The following CFAP43 variants were observed in gnomAD, a reference collection of about 807,000 sequenced individuals.
CFAP43 encodes cilia and flagella associated protein 43.
A neutral mutation model predicts 218.9 loss-of-function variants in CFAP43; 155 were observed. That is an observed-to-expected ratio of 0.71 (90% CI 0.62 to 0.81). CFAP43 has a LOEUF of 0.81. CFAP43 is among the 30% of genes least tolerant of loss of function. The pLI is 0.00. For missense variants in CFAP43, 1,778 were observed against 1,954.3 expected (o/e 0.91, Z 1.70); for synonymous variants, 645 against 681.3 (o/e 0.95, Z 0.83).
chr10:104,192,054 G>T, intron 12 of CFAP43, 145 bp downstream of exon 12: 3 of 614,140 alleles, frequency 4.9e-6, no homozygotes, highest in African/African-American at 1.9e-5. Context: ...ATTCTCCTAA[G>T]TAACTTTAGT....
At chr10:104,145,369 C>T (rs1305579470) in intron 31 of CFAP43, 107 bp downstream of exon 31, 23 of 643,788 alleles carry the variant, frequency 3.6e-5, no homozygotes, top group Non-Finnish European at 6.1e-5. Context: ...AAAGATATTA[C>T]ACTGAATAAT....
chr10:104,230,722 A>T lies in CFAP43; in HGVS notation c.187T>A (p.Cys63Ser), dbSNP rs758577060. 6.2e-6 allele frequency: 10 copies of T among 1,613,954 alleles called. No individual in the cohort carries two copies. The South Asian group carries it at 1.1e-4, about 18-fold the overall frequency. ...ATGACGCCCACAATTCCATTACTACACTGCAGTACAGTCTTTTTCTTGGTT... is the reference window on the plus strand; with the variant it reads ...ATGACGCCCACAATTCCATTACTACTCTGCAGTACAGTCTTTTTCTTGGTT... ...IETKKKTVLQ[C>S]SNGIVGVMAT... Residue 63 changes from cysteine (C) to serine (S), a missense_variant, in exon 2 of 38, where the codon TGT (cysteine) becomes AGT (serine). Physicochemically the swap from Cys to Ser is moderately radical, Grantham distance 112. Around this residue, in one of 3 missense-constraint regions of CFAP43, gnomAD observed 1,553 missense variants for 1,685.2 expected, o/e 0.92. Coordinates refer to ENST00000357060, the MANE Select transcript of CFAP43 (RefSeq NM_025145.7).
chr10:104,195,080 G>A (rs373341936), intron 10 of CFAP43, among the ~76,000 whole-genome samples: 1 of 152,220 alleles, frequency 6.6e-6, no homozygotes, highest in East Asian at 1.9e-4. Context: ...AAGGGCCAGA[G>A]GAGTCTTATG....
chr10:104,167,627 A>G lies in CFAP43; in HGVS notation c.2802T>C (p.Cys934=), dbSNP rs373911488. 1.9e-5 allele frequency: 31 copies of G among 1,605,944 alleles called. No individual in the cohort carries two copies. The African/African-American group carries it at 3.6e-4, about 19-fold the overall frequency. The change falls in exon 22 of 38, where the codon TGT becomes TGC. Residue 934 remains cysteine, a synonymous_variant. Coordinates refer to ENST00000357060, the MANE Select transcript of CFAP43 (RefSeq NM_025145.7). ...VLQQKKIEAE[C]LKLRKEIVEA... is the part of the protein sequence containing the mutation. ...TGTATATTTAAAATAGTACTTTAAG[A>G]CACTCTGCTTCAATCTTCTTTTGCT...
intron 31 of CFAP43, 102 bp from the exon 32 acceptor site, chr10:104,143,741 C>T (rs1162308418): frequency 2.6e-5 from 29 of 1,112,172 alleles, no homozygotes; most frequent in Non-Finnish European, 3.5e-5. Flanking sequence ...TTGTATGGCT[C>T]TTCCCTTTGC....
intron 3 of CFAP43, among the ~76,000 whole-genome samples, chr10:104,216,116 A>T (rs2091004724): frequency 6.6e-6 from 1 of 152,084 alleles, no homozygotes; most frequent in Non-Finnish European, 1.5e-5. Flanking sequence ...TTTTTGAGCA[A>T]GTTGTTCTAA....
At chr10:104,194,075 T>C in intron 10 of CFAP43, 61 bp from the exon 11 acceptor site, 1 of 1,586,794 alleles carries the variant, frequency 6.3e-7, no homozygotes, top group Non-Finnish European at 8.6e-7. Context: ...CACGTAAGAA[T>C]GCTATTATAC....
At chr10:104,230,300 A>G (rs2091415698) in intron 2 of CFAP43, among the ~76,000 whole-genome samples, 1 of 151,940 alleles carries the variant, frequency 6.6e-6, no homozygotes, top group Non-Finnish European at 1.5e-5. Context: ...CCCCATCTCT[A>G]CTAAAAATAC....
intron 11 of CFAP43, chr10:104,193,365 C>T (rs1185842035): frequency 6.6e-6 from 1 of 152,518 alleles, no homozygotes; most frequent in African/African-American, 2.4e-5. Flanking sequence ...TAGTTTTCTC[C>T]TTTTAAGAGC....
chr10:104,182,432 C>T lies in CFAP43; in HGVS notation c.2223G>A (p.Lys741=). The T allele has an allele frequency of 6.2e-7, 1 of 1,612,698 alleles. No homozygotes were observed. The part of the protein sequence containing the change: ...LLISLSSAMD[K]ENHYLSTTPK... ...GTGTTGTGCTTAAATAATGATTCTC[C>T]TTGTCCATGGCGCTGCTCAGGGAAA... Residue 741 remains lysine, a synonymous_variant, in exon 17 of 38, where the codon AAG becomes AAA. Coordinates refer to ENST00000357060, the MANE Select transcript of CFAP43 (RefSeq NM_025145.7).
chr10:104,161,884 A>G (rs1033078532), intron 26 of CFAP43, 77 bp downstream of exon 26: 118 of 1,387,580 alleles, frequency 8.5e-5, no homozygotes, highest in Admixed American at 5.7e-5. Flanking sequence ...CCAGGTTTAT[A>G]TAGGACAAAA....
intron 8 of CFAP43, among the ~76,000 whole-genome samples, chr10:104,202,294 C>T (rs934554889): frequency 2.6e-5 from 4 of 152,076 alleles, no homozygotes; most frequent in Admixed American, 6.6e-5. Context: ...GTCTTTTCTC[C>T]GACTGCTTTT....
At position 104,179,917 on chromosome 10, in the gene CFAP43, T is replaced by G. The variant is rs760154879; in HGVS notation, c.2305A>C (p.Thr769Pro). 1.9e-6 allele frequency: 3 copies of G among 1,613,612 alleles called. No homozygotes were observed. Among genetic ancestry groups the G allele is most frequent in the South Asian group, 2.2e-5 (2 of 90,860 alleles). ...ACTAATTCATCTTGTGATAAGTCAG[T>G]GCTTGCCTTCTGTTTCTGATACATG... ...DSEHTKQKAS[T>P]DLSQDELVLT... The change falls in exon 18 of 38, where the codon ACT (threonine) becomes CCT (proline). Residue 769 changes from threonine to proline, a missense_variant. Physicochemically the swap from Thr to Pro is conservative, Grantham distance 38 (BLOSUM62 -1). Around this residue, in one of 3 missense-constraint regions of CFAP43, gnomAD observed 1,553 missense variants for 1,685.2 expected, o/e 0.92. Coordinates refer to ENST00000357060, the MANE Select transcript of CFAP43 (RefSeq NM_025145.7).
intron 24 of CFAP43, among the ~76,000 whole-genome samples, chr10:104,163,536 C>A (rs1055315525): frequency 6.6e-6 from 1 of 152,096 alleles, no homozygotes; most frequent in African/African-American, 2.4e-5. Flanking sequence ...TGCCTCTGTG[C>A]CAAAACCTTT....
At position 104,187,425 on chromosome 10, in the gene CFAP43, C is replaced by T. The variant is rs1244356403; in HGVS notation, c.1755G>A (p.Glu585=). The T allele has an allele frequency of 1.2e-6, 2 of 1,609,036 alleles. No individual in the cohort carries two copies. Among genetic ancestry groups the T allele is most frequent in the Non-Finnish European group, 1.7e-6 (2 of 1,178,260 alleles). Residue 585 remains glutamate (E), a synonymous_variant, in exon 14 of 38, where the codon GAG becomes GAA. Coordinates refer to ENST00000357060, the MANE Select transcript of CFAP43 (RefSeq NM_025145.7). ...KDEIIHKYLY[E]LEHALSSAVL... ...CTGCAGAGGACAGAGCGTGCTCCAA[C>T]TCATACAGGTACTTATGAATGATTT...
rs2087673300 is a variant in CFAP43 at position 104,140,835 on chromosome 10, T to C, written c.4431+7A>G. On this transcript the variant is annotated splice_region_variant and intron_variant, in intron 34 of 37. Transcript: ENST00000357060. Reference sequence around the variant, plus strand: ...TGAATTAAAATAAAAATAAAAAGTATAATTACCCGAATCACAGAATTCAAG... The same window carrying C: ...TGAATTAAAATAAAAATAAAAAGTACAATTACCCGAATCACAGAATTCAAG... 6.3e-7 allele frequency: 1 copy of C among 1,585,244 alleles called. No individual in the cohort carries two copies. The highest frequency in any genetic ancestry group is 1.4e-5 in the African/African-American group (1 of 72,984).
At chr10:104,211,059 C>T (rs1051995151) in intron 5 of CFAP43, among the ~76,000 whole-genome samples, 1 of 151,880 alleles carries the variant, frequency 6.6e-6, no homozygotes, top group Non-Finnish European at 1.5e-5. Context: ...CCAAAGGAAA[C>T]ACTCTTTATC....
At chr10:104,150,811 T>A (rs899516876) in intron 28 of CFAP43, among the ~76,000 whole-genome samples, 14 of 152,168 alleles carry the variant, frequency 9.2e-5, no homozygotes, top group African/African-American at 2.9e-4. Context: ...CATGGGGGTT[T>A]GTTGTACAGA....
intron 9 of CFAP43, 49 bp from the exon 10 acceptor site, chr10:104,196,982 T>A: frequency 6.8e-7 from 1 of 1,464,086 alleles, no homozygotes; most frequent in Middle Eastern, 1.8e-4. Context: ...AAGACTTTCC[T>A]ATGGAAGCAT....
Sources: allele counts gnomAD v4.1 joint callset (sites outside exome capture counted in the v4.1 genomes callset), GRCh38; gene constraint gnomAD v4.1.1; regional missense constraint gnomAD v4.1.1; transcripts MANE v1.5; gene names NCBI Gene and HGNC (gene_info 2026-07-23, HGNC 2026-07-21).